HEPHL1: variants seen among roughly 807,000 people sequenced by gnomAD.
HEPHL1 encodes the protein hephaestin like 1, also known as ferroxidase HEPHL1.
Under a neutral mutation model 122.0 loss-of-function variants are expected in HEPHL1, and 123 were observed. The observed-to-expected ratio is 1.01, with a 90% CI of 0.87 to 1.17. The LOEUF (loss-of-function observed/expected upper bound fraction) is 1.17, where lower values mean the gene tolerates loss of function less well. HEPHL1 is among the 50% of genes most tolerant of loss of function. The pLI is 0.00. For synonymous variants in HEPHL1, 527 were observed against 508.9 expected, an observed-to-expected ratio of 1.04 and a Z score of -0.48; for missense variants, 1,452 against 1,430.5, an observed-to-expected ratio of 1.01 and a Z score of -0.24.
chr11:94,073,241 T>C, intron 7 of HEPHL1, 67 bp from the exon 8 acceptor site: 2 of 1,606,230 alleles, frequency 1.2e-6, no homozygotes, highest in Non-Finnish European at 1.7e-6. Context: ...ACAGAATGAC[T>C]CTTCTGCTTT....
At chr11:94,039,447 C>T (rs1326116088) in intron 1 of HEPHL1, among the ~76,000 whole-genome samples, 3 of 150,476 alleles carry the variant, frequency 2.0e-5, no homozygotes, top group Non-Finnish European at 4.5e-5. Context: ...CACACCTATT[C>T]CAAAATTGAC....
Position 94,075,189 on chromosome 11 carries a change from G to A in HEPHL1, c.1520G>A (p.Gly507Glu), listed in dbSNP as rs199540228. ...APNLDGFVKP[G>E]AHVKPGETFT... is the part of the protein sequence containing the mutation. ...ATATCCTCAGGATTTGTGAAACCAG[G>A]GGCGCATGTTAAACCAGGTGAAACC... The change falls in exon 9 of 20, where the codon GGG becomes GAG. Residue 507 changes from glycine (G) to glutamate (E), a missense_variant. Transcript: ENST00000315765. 2.5e-6 allele frequency: 4 copies of A among 1,612,838 alleles called. No individual in the cohort carries two copies. The highest frequency in any genetic ancestry group is 2.2e-5 in the South Asian group (2 of 90,924).
At chr11:94,072,934 G>A in intron 6 of HEPHL1, 91 bp from the exon 7 acceptor site, 3 of 1,220,258 alleles carry the variant, frequency 2.5e-6, no homozygotes, top group African/African-American at 1.5e-5. Flanking sequence ...GTGGGCGAGT[G>A]GACTAAAAGT....
In HEPHL1 at chr11:94,070,538, G is replaced by A. The variant is rs1268342220; in HGVS notation, c.1228G>A (p.Gly410Ser). The A allele has an allele frequency of 2.5e-6, 4 of 1,608,834 alleles. No homozygotes were observed. In the South Asian group the frequency reaches 4.4e-5, roughly 18 times the overall value. Residue 410 changes from glycine to serine, a missense_variant, in exon 6 of 20, where the codon GGC (glycine) becomes AGC (serine). By Grantham distance (56) the Gly-to-Ser change is moderately conservative. Transcript: ENST00000315765. ...KFSGLPLNASGSDSDLYFTQG... is the reference protein window; with the variant it reads ...KFSGLPLNASSSDSDLYFTQG... ...CAGTGGTCTTCCTCTAAACGCCTCT[G>A]GCAGGTAAGCACCCTTTGTTGGTGT...
At position 94,042,875 on chromosome 11, in the gene HEPHL1, T is replaced by TAAAAAAAAAAAAAAAAAAA. The variant is rs58966846; in HGVS notation, c.171-2780_171-2779insAAAAAAAAAAAAAAAAAAA. On this transcript the variant is annotated intron_variant, in intron 1 of 19. Coordinates refer to ENST00000315765, the MANE Select transcript of HEPHL1 (RefSeq NM_001098672.2). ...ATGTACCCTAAAACTTAAAGTATAA[T>TAAAAAAAAAAAAAAAAAAA]AAAAAAAAAAAAAAAAAACTGCATG... Among the ~76,000 whole-genome samples the TAAAAAAAAAAAAAAAAAAA allele has an allele frequency of 4.5e-3, 281 of 62,980 alleles. 7 individuals carry two copies. Among genetic ancestry groups the TAAAAAAAAAAAAAAAAAAA allele is most frequent in the African/African-American group, 0.016 (230 of 14,768 alleles). 41.3% of individuals were successfully genotyped at this position (62,980 alleles called of 152,430 possible). A position where few individuals can be genotyped will look rare whatever the true frequency, so the allele number is the denominator to read the frequency against.
chr11:94,091,152 A>G (rs931911829), intron 12 of HEPHL1, among the ~76,000 whole-genome samples: 9 of 152,158 alleles, frequency 5.9e-5, no homozygotes, highest in African/African-American at 2.2e-4. Flanking sequence ...TCTGCTAGGG[A>G]TTTTACAAAC....
At chr11:94,106,417 C>A (rs953483860) in intron 17 of HEPHL1, among the ~76,000 whole-genome samples, 3 of 151,706 alleles carry the variant, frequency 2.0e-5, no homozygotes, top group Admixed American at 6.6e-5. Context: ...CTCAGCCTCC[C>A]GAGTAGCTGG....
At chr11:94,055,925 T>C (rs1057024653) in intron 2 of HEPHL1, 5 of 1,271,772 alleles carry the variant, frequency 3.9e-6, no homozygotes, top group Non-Finnish European at 4.4e-6. Flanking sequence ...CTGTAACAGC[T>C]AAGGCCAGGC....
intron 1 of HEPHL1, among the ~76,000 whole-genome samples, chr11:94,036,716 G>A (rs1012789528): frequency 6.6e-6 from 1 of 152,006 alleles, no homozygotes; most frequent in African/African-American, 2.4e-5. Flanking sequence ...GCAGGCGCCT[G>A]TAGTCCCAGC....
intron 2 of HEPHL1, among the ~76,000 whole-genome samples, chr11:94,059,898 T>C (rs2460043): frequency 0.94 from 142,498 of 151,776 alleles, 67,568 homozygotes; most frequent in East Asian, 1. Flanking sequence ...GTGATTTGTA[T>C]CATATAATCA....
At chr11:94,096,473 A>G (rs75779641) in intron 13 of HEPHL1, among the ~76,000 whole-genome samples, 4,100 of 152,246 alleles carry the variant, frequency 0.027, 197 homozygotes, top group African/African-American at 0.094. Flanking sequence ...ATATTGGTCT[A>G]AAAGTCTCTT....
At chr11:94,045,539 C>T (rs941834085) in intron 1 of HEPHL1, 134 bp from the exon 2 acceptor site, 5 of 704,966 alleles carry the variant, frequency 7.1e-6, no homozygotes, top group African/African-American at 5.4e-5. Flanking sequence ...ATCTTCCGAG[C>T]CCTACAGAGG....
At position 94,064,325 on chromosome 11, in the gene HEPHL1, T is replaced by C. The variant is rs764490270; in HGVS notation, c.629-6T>C. 1 of 1,604,830 alleles carries C rather than the reference T, an allele frequency of 6.2e-7. No homozygotes were observed. Among genetic ancestry groups the C allele is most frequent in the African/African-American group, 1.3e-5 (1 of 74,844 alleles). On this transcript the variant is annotated splice_polypyrimidine_tract_variant and splice_region_variant and intron_variant, in intron 3 of 19. Transcript: ENST00000315765. Reference sequence around the variant, plus strand: ...TTCTCTCTACTCTTTTGAATGTGCCTGACAGGTATCCTGAATAGATATTCA... The same window carrying C: ...TTCTCTCTACTCTTTTGAATGTGCCCGACAGGTATCCTGAATAGATATTCA...
chr11:94,024,890 C>A (rs1196787439), intron 1 of HEPHL1, among the ~76,000 whole-genome samples: 2 of 152,142 alleles, frequency 1.3e-5, no homozygotes, highest in African/African-American at 4.8e-5. Context: ...GGATCCAGTA[C>A]AGGGCAGGCA....
chr11:94,101,324 T>G lies in HEPHL1; in HGVS notation c.2564T>G (p.Met855Arg). Residue 855 changes from methionine (M) to arginine (R), a missense_variant, in exon 14 of 20, where the codon ATG becomes AGG. Coordinates refer to ENST00000315765, the MANE Select transcript of HEPHL1 (RefSeq NM_001098672.2). ...AGTGGAAAGCAATTCCAAGTGCCCA[T>G]GACAAAACCAGGTAAGTTGTGTCAG... ...MDSGKQFQVP[M>R]TKPGEVKTYR... 1 of 1,612,442 alleles carries G rather than the reference T, an allele frequency of 6.2e-7. No homozygotes were observed. Among genetic ancestry groups the G allele is most frequent in the Non-Finnish European group, 8.5e-7 (1 of 1,178,978 alleles).
Position 94,059,267 on chromosome 11 carries a change from C to T in HEPHL1, c.416-4241C>T, listed in dbSNP as rs553720023. 1.2e-4 allele frequency among the ~76,000 whole-genome samples: 18 copies of T among 152,244 alleles called. No homozygotes were observed. The South Asian group carries it at 3.5e-3, about 30-fold the overall frequency. On this transcript the variant is annotated intron_variant, in intron 2 of 19. Transcript: ENST00000315765. ...CATTTAACAATTGTGCAATATCCCACCATATGAACATATCAGTTCAGTGCT... is the reference window on the plus strand; with the variant it reads ...CATTTAACAATTGTGCAATATCCCATCATATGAACATATCAGTTCAGTGCT...
intron 5 of HEPHL1, among the ~76,000 whole-genome samples, chr11:94,069,919 GA>G (rs1946060724): frequency 6.6e-6 from 1 of 152,076 alleles, no homozygotes; most frequent in African/African-American, 2.4e-5. Flanking sequence ...CGAAGTGTAT[GA>G]GTATGGCTCT....
At chr11:94,039,282 A>C (rs1945753002) in intron 1 of HEPHL1, among the ~76,000 whole-genome samples, 1 of 150,488 alleles carries the variant, frequency 6.6e-6, no homozygotes, top group South Asian at 2.1e-4. Flanking sequence ...GGAGACTTTA[A>C]CACCTCACTG....
chr11:94,064,880 T>A (rs1005906131), intron 4 of HEPHL1, among the ~76,000 whole-genome samples: 10 of 152,194 alleles, frequency 6.6e-5, no homozygotes. Context: ...TCTATAATAA[T>A]CCTGTGTTTT....
Sources: gnomAD v4.1 joint callset for allele counts (sites outside exome capture counted in the v4.1 genomes callset) on GRCh38, gnomAD v4.1.1 for gene constraint, MANE v1.5 for transcripts, NCBI Gene and HGNC (gene_info 2026-07-23, HGNC 2026-07-21) for gene names.